The following C1orf141 variants were observed in gnomAD, a reference collection of about 807,000 sequenced individuals.
C1orf141 encodes uncharacterized protein C1orf141.
C1orf141 carries 19 observed loss-of-function variants against 23.2 expected under a neutral mutation model. The ratio of observed to expected loss-of-function variants is 0.82; its 90% CI spans 0.57 to 1.20. C1orf141 has a LOEUF of 1.20. Ranked by LOEUF, C1orf141 falls within the 50% of genes most tolerant of loss-of-function variation. C1orf141 has a pLI of 0.00. For synonymous variants in C1orf141, 153 were observed against 154.6 expected (o/e 0.99, Z 0.08); for missense variants, 469 against 455.1 (o/e 1.03, Z -0.28).
At chr1:67,121,012 A>G (rs1329620046) in intron 4 of C1orf141, among the ~76,000 whole-genome samples, 1 of 152,202 alleles carries the variant, frequency 6.6e-6, no homozygotes, top group African/African-American at 2.4e-5. Context: ...GATCTCTCAT[A>G]TGTGCTCTTT....
Position 67,093,374 on chromosome 1 carries a change from T to G in C1orf141, c.834A>C (p.Lys278Asn). 6.2e-7 allele frequency: 1 copy of G among 1,613,808 alleles called. No homozygotes were observed. Among genetic ancestry groups the G allele is most frequent in the South Asian group, 1.1e-5 (1 of 91,050 alleles). ...TAAAAGACATAGGGATCTGTATATC[T>G]TTTCTCTGTACTGTAGGCATAGTTT... ...PQKTMPTVQR[K>N]DIQIPMSFKA... The change falls in exon 8 of 8, where the codon AAA becomes AAC. Residue 278 changes from lysine (K) to asparagine (N), a missense_variant. Transcript: ENST00000684719.
chr1:67,140,811 T>C (rs1570748922), intron 1 of C1orf141, among the ~76,000 whole-genome samples: 1 of 152,288 alleles, frequency 6.6e-6, no homozygotes, highest in African/African-American at 2.4e-5. Flanking sequence ...ACTTATTAGA[T>C]TTATTATGTG....
At chr1:67,131,592 C>T (rs1646516447) in intron 1 of C1orf141, among the ~76,000 whole-genome samples, 1 of 152,190 alleles carries the variant, frequency 6.6e-6, no homozygotes, top group South Asian at 2.1e-4. Context: ...TCTGGCTCAG[C>T]CCACCTTTCT....
chr1:67,128,365 ATT>A (rs1558206398), intron 2 of C1orf141, among the ~76,000 whole-genome samples: 1 of 2,020 alleles, frequency 5.0e-4, no homozygotes, highest in Non-Finnish European at 9.0e-4. Context: ...TTATTTATTT[ATT>A]TATTTATTTA....
chr1:67,097,943 G>A (rs1358018638), intron 5 of C1orf141, among the ~76,000 whole-genome samples: 5 of 152,118 alleles, frequency 3.3e-5, no homozygotes, highest in African/African-American at 1.2e-4. Flanking sequence ...CTGGGTTAAG[G>A]ATCCCTGACT....
Position 67,125,801 on chromosome 1 carries a change from T to G in C1orf141, c.184A>C (p.Ile62Leu). Reference protein sequence around the residue: ...EALATSASKAISKIKEDKSCS... With the variant: ...EALATSASKALSKIKEDKSCS... ...GACTTGTCTTCTTTGATCTTTGATA[T>G]TGCCTTAGACGCGGATGTAGCAAGA... The change falls in exon 4 of 8, where the codon ATA becomes CTA. Residue 62 changes from isoleucine to leucine, a missense_variant. This residue lies in a region of C1orf141 where 95 missense variants were observed against 90.3 expected (regional missense o/e 1.05). Coordinates refer to ENST00000684719, the MANE Select transcript of C1orf141 (RefSeq NM_001276351.2). The G allele has an allele frequency of 6.2e-7, 1 of 1,614,042 alleles. No homozygotes were observed.
chr1:67,116,274 T>C (rs927763772), intron 4 of C1orf141, among the ~76,000 whole-genome samples: 3 of 152,150 alleles, frequency 2.0e-5, no homozygotes, highest in African/African-American at 7.2e-5. Context: ...GGCCAAAAAG[T>C]TTGCAGAAAT....
At chr1:67,137,104 A>G (rs1490500180), upstream of C1orf141, among the ~76,000 whole-genome samples, 1 of 152,200 alleles carries the variant, frequency 6.6e-6, no homozygotes, top group Non-Finnish European at 1.5e-5. Context: ...TAGGCCAACT[A>G]CAAAGTTAGA....
chr1:67,106,827 T>C (rs2102443798), intron 5 of C1orf141, among the ~76,000 whole-genome samples: 2 of 152,314 alleles, frequency 1.3e-5, no homozygotes, highest in Non-Finnish European at 2.9e-5. Context: ...TGTTAACTGG[T>C]TGAGCTTAAA....
chr1:67,093,166 C>T lies in C1orf141; in HGVS notation c.1042G>A (p.Glu348Lys). The T allele has an allele frequency of 1.2e-6, 2 of 1,613,892 alleles. No homozygotes were observed. The highest frequency in any genetic ancestry group is 3.3e-4 in the Middle Eastern group (2 of 6,054). Residue 348 changes from glutamate to lysine, a missense_variant, in exon 8 of 8, where the codon GAA becomes AAA. Around this residue, in one of 3 missense-constraint regions of C1orf141, gnomAD observed 370 missense variants for 348.1 expected, o/e 1.06. Transcript: ENST00000684719. ...GGTTTTCCTGCAGAAAACATTCTTT[C>T]AAATTTTCCAGTTTGGGCACTCATT... ...HEMSAQTGKF[E>K]RMFSAGKPTS...
At chr1:67,101,064 A>G (rs532384068) in intron 5 of C1orf141, among the ~76,000 whole-genome samples, 1 of 152,140 alleles carries the variant, frequency 6.6e-6, no homozygotes, top group South Asian at 2.1e-4. Context: ...TGGGGGAGGA[A>G]TTTAGTCAAG....
At chr1:67,139,804 G>T (rs1327887017), upstream of C1orf141, among the ~76,000 whole-genome samples, 1 of 152,176 alleles carries the variant, frequency 6.6e-6, no homozygotes, top group Admixed American at 6.5e-5. Flanking sequence ...AGCCTCTCCA[G>T]TAGCTGTCCT....
intron 6 of C1orf141, 182 bp from the exon 7 acceptor site, chr1:67,095,603 T>A: frequency 2.0e-6 from 1 of 492,182 alleles, no homozygotes; most frequent in Non-Finnish European, 3.5e-6. Flanking sequence ...ACAGCAAGAG[T>A]AGGAGTGGAA....
chr1:67,096,768 T>C (rs1052779060), intron 5 of C1orf141, among the ~76,000 whole-genome samples: 3 of 152,216 alleles, frequency 2.0e-5, no homozygotes, highest in East Asian at 3.8e-4. Context: ...CTCCAGCATT[T>C]TTCTAGATAC....
chr1:67,098,526 A>T (rs1174057676), intron 5 of C1orf141, among the ~76,000 whole-genome samples: 2 of 152,168 alleles, frequency 1.3e-5, no homozygotes, highest in Non-Finnish European at 2.9e-5. Flanking sequence ...TTTCAAAAAA[A>T]ATATTATAAT....
upstream of C1orf141, among the ~76,000 whole-genome samples, chr1:67,136,660 A>G (rs1646588064): frequency 6.6e-6 from 1 of 152,234 alleles, no homozygotes; most frequent in Non-Finnish European, 1.5e-5. Context: ...CAACTTTAAA[A>G]TAGTTCTAAT....
At chr1:67,110,924 TTA>T (rs967354445) in intron 5 of C1orf141, among the ~76,000 whole-genome samples, 2 of 148,378 alleles carry the variant, frequency 1.3e-5, no homozygotes, top group African/African-American at 2.4e-5. Context: ...TATATATATA[TTA>T]TATATATATA....
At position 67,116,574 on chromosome 1, in the gene C1orf141, T is replaced by C. The variant is rs1010458285; in HGVS notation, c.234-1110A>G. 5.9e-5 allele frequency among the ~76,000 whole-genome samples: 9 copies of C among 152,192 alleles called. No individual in the cohort carries two copies. The East Asian group carries it at 9.7e-4, about 16-fold the overall frequency. ...TTCAACTGTTTCCTATCAGACTTGA[T>C]TAAAATTCAAAATGCTCCCTAACAG... On this transcript the variant is annotated intron_variant, in intron 4 of 7. Coordinates refer to ENST00000684719, the MANE Select transcript of C1orf141 (RefSeq NM_001276351.2).
intron 5 of C1orf141, among the ~76,000 whole-genome samples, chr1:67,109,469 G>A (rs1024726354): frequency 1.3e-5 from 2 of 152,060 alleles, no homozygotes; most frequent in Non-Finnish European, 2.9e-5. Flanking sequence ...GAAGTCACTG[G>A]GCTTCATGAA....
Sources: allele counts gnomAD v4.1 joint callset (sites outside exome capture counted in the v4.1 genomes callset), GRCh38; gene constraint gnomAD v4.1.1; regional missense constraint gnomAD v4.1.1; transcripts MANE v1.5; gene names NCBI Gene and HGNC (gene_info 2026-07-23, HGNC 2026-07-21).